Variants in OR4D1 observed in about 807,000 individuals in gnomAD.
The protein encoded by OR4D1 is olfactory receptor family 4 subfamily D member 1.
In OR4D1, 10 loss-of-function variants were observed where a neutral mutation model predicts 14.2. The ratio of observed to expected loss-of-function variants is 0.71; its 90% CI spans 0.44 to 1.20. The LOEUF (loss-of-function observed/expected upper bound fraction) is 1.20, where lower values mean the gene tolerates loss of function less well. Ranked by LOEUF, OR4D1 falls within the 50% of genes most tolerant of loss-of-function variation. The probability of loss-of-function intolerance (pLI) is 0.00; values close to 1 mark genes in which losing one functional copy is unlikely to be tolerated. For missense variants in OR4D1, 345 were observed against 376.6 expected (o/e 0.92, Z 0.70); for synonymous variants, 141 against 147.4 (o/e 0.96, Z 0.32).
chr17:58,151,835 C>A (rs1290294079), intron 2 of OR4D1, among the ~76,000 whole-genome samples: 2 of 152,034 alleles, frequency 1.3e-5, no homozygotes, highest in Non-Finnish European at 2.9e-5. Flanking sequence ...TGATGAATAT[C>A]CTTAAGCATA....
Position 58,155,107 on chromosome 17 carries a change from T to A in OR4D1, c.-19-28T>A, listed in dbSNP as rs113393553. On this transcript the variant is annotated intron_variant, in intron 3 of 3. Coordinates refer to ENST00000268912, the MANE Select transcript of OR4D1 (RefSeq NM_001386095.1). ...ATTGAATTTTCATTTTTTTTGTTTG[T>A]TTGTTTGTTTCAATGGTTTCTCTGT... 5.9e-3 allele frequency: 8,236 copies of A among 1,398,978 alleles called. 121 individuals are homozygous for A. The highest frequency in any genetic ancestry group is 0.057 in the African/African-American group (3,943 of 69,028). The allele number at this position is 1,398,978 out of a possible 1,614,324, so 86.7% of individuals were successfully genotyped here. A position where few individuals can be genotyped will look rare whatever the true frequency, so the allele number is the denominator to read the frequency against.
rs756205768 is a variant in OR4D1 at position 58,155,479 on chromosome 17, G to A, written c.326G>A (p.Gly109Asp). 3 of 1,614,172 alleles carry A rather than the reference G, an allele frequency of 1.9e-6. No homozygotes were observed. The highest frequency in any genetic ancestry group is 2.5e-6 in the Non-Finnish European group (3 of 1,180,036). Residue 109 changes from glycine (G) to aspartate (D), a missense_variant, in exon 4 of 4, where the codon GGT (glycine) becomes GAT (aspartate). Coordinates refer to ENST00000268912, the MANE Select transcript of OR4D1 (RefSeq NM_001386095.1). The part of the protein sequence containing the change: ...AQIFFFHLLG[G>D]GTVFFLSVMA... Reference sequence around the variant, plus strand: ...ATCTTCTTCTTCCACCTTTTGGGAGGTGGGACTGTCTTTTTTCTCTCAGTC... The same window carrying A: ...ATCTTCTTCTTCCACCTTTTGGGAGATGGGACTGTCTTTTTTCTCTCAGTC...
chr17:58,155,537 GC>G lies in OR4D1; in HGVS notation c.388del (p.Leu130SerfsTer7), dbSNP rs760472400. The G allele has an allele frequency of 6.2e-6, 10 of 1,613,948 alleles. No individual in the cohort carries two copies. The South Asian group carries it at 1.1e-4, about 18-fold the overall frequency. Reference protein sequence around the residue: ...AYDRYIAISQPLRYVTIMNTQ... With the variant: ...AYDRYIAISQXLRYVTIMNTQ... ...ATGACCGCTACATAGCCATCTCCCA[GC>G]CCCTCCGGTATGTCACCATCATGAA... On this transcript the variant is annotated frameshift_variant, in exon 4 of 4. Coordinates refer to ENST00000268912, the MANE Select transcript of OR4D1 (RefSeq NM_001386095.1). LOFTEE classifies it high-confidence loss of function.
chr17:58,155,213 C>A lies in OR4D1; in HGVS notation c.60C>A (p.Thr20=). 6.2e-7 allele frequency: 1 copy of A among 1,614,106 alleles called. No individual in the cohort carries two copies. The highest frequency in any genetic ancestry group is 8.5e-7 in the Non-Finnish European group (1 of 1,180,008). Residue 20 remains threonine, a synonymous_variant, in exon 4 of 4, where the codon ACC becomes ACA. Coordinates refer to ENST00000268912, the MANE Select transcript of OR4D1 (RefSeq NM_001386095.1). ...SMFVLLGFSQ[T]QELQKFLFLL... is the part of the protein sequence containing the mutation. ...TTGTCCTCTTAGGGTTTTCACAGAC[C>A]CAAGAGCTCCAGAAATTCCTGTTCC...
In OR4D1 at chr17:58,149,581, A is replaced by C. The variant is rs1597950847; in HGVS notation, c.-342A>C. 6.6e-6 allele frequency: 1 copy of C among 152,260 alleles called. No individual in the cohort carries two copies. The highest frequency in any genetic ancestry group is 1.9e-4 in the East Asian group (1 of 5,198). The allele number at this position is 152,260 out of a possible 1,614,324, so 9.4% of individuals were successfully genotyped here. On this transcript the variant is annotated 5_prime_UTR_variant, in exon 2 of 4. The change abolishes the stop of an existing upstream ORF in the 5' untranslated region. Coordinates refer to ENST00000268912, the MANE Select transcript of OR4D1 (RefSeq NM_001386095.1). ...TTGCACTGAAATTACAACACATGTG[A>C]GGAACAGAGCCATCCTCATGAAAAA...
chr17:58,157,590 C>T lies in OR4D1; in HGVS notation c.*1504C>T. ...TTGTTCCAGAACCGAAGGGCCAAGACGAAAAGACTGCAGGAGTCAGAACTG... is the reference window on the plus strand; with the variant it reads ...TTGTTCCAGAACCGAAGGGCCAAGATGAAAAGACTGCAGGAGTCAGAACTG... On this transcript the variant is annotated 3_prime_UTR_variant, in exon 4 of 4. Coordinates refer to ENST00000268912, the MANE Select transcript of OR4D1 (RefSeq NM_001386095.1). 1 of 1,610,632 alleles carries T rather than the reference C, an allele frequency of 6.2e-7. No individual in the cohort carries two copies. Among genetic ancestry groups the T allele is most frequent in the Non-Finnish European group, 8.5e-7 (1 of 1,176,966 alleles).
chr17:58,157,663 T>C lies in OR4D1; in HGVS notation c.*1577T>C. ...AACCTATGCTACCCTCCAGCTTCAG[T>C]CTCCCTTTCCCCATCAGCTCGCCCC... On this transcript the variant is annotated 3_prime_UTR_variant, in exon 4 of 4. Transcript: ENST00000268912. 6.2e-7 allele frequency: 1 copy of C among 1,613,822 alleles called. No homozygotes were observed. Among genetic ancestry groups the C allele is most frequent in the East Asian group, 2.2e-5 (1 of 44,882 alleles).
rs1303751134 is a variant in OR4D1, at chr17:58,158,421, A to G, written c.*2335A>G. 8.0e-5 allele frequency: 12 copies of G among 150,662 alleles called. No homozygotes were observed. In the Admixed American group the frequency reaches 8.0e-4, roughly 10 times the overall value. 9.3% of individuals were successfully genotyped at this position (150,662 alleles called of 1,614,324 possible). A position where few individuals can be genotyped will look rare whatever the true frequency, so the allele number is the denominator to read the frequency against. On this transcript the variant is annotated 3_prime_UTR_variant, in exon 4 of 4. Coordinates refer to ENST00000268912, the MANE Select transcript of OR4D1 (RefSeq NM_001386095.1). ...AAAAGAAACCTTTTTATATACTACC[A>G]TATTTGTTCCTATCTCTCCCCACGC...
chr17:58,157,534 T>C lies in OR4D1; in HGVS notation c.*1448T>C. 1 of 1,438,758 alleles carries C rather than the reference T, an allele frequency of 7.0e-7. No homozygotes were observed. 89.1% of individuals were successfully genotyped at this position (1,438,758 alleles called of 1,614,324 possible). A position where few individuals can be genotyped will look rare whatever the true frequency, so the allele number is the denominator to read the frequency against. ...CAGAGGGTGCGGACTTCTCCAGCTC[T>C]CCGAACCTCACGGAGACTCAGGTCA... On this transcript the variant is annotated 3_prime_UTR_variant, in exon 4 of 4. Transcript: ENST00000268912.
Position 58,157,079 on chromosome 17 carries a change from G to T in OR4D1, c.*993G>T, listed in dbSNP as rs1159598239. 14 of 1,446,890 alleles carry T rather than the reference G, an allele frequency of 9.7e-6. No individual in the cohort carries two copies. In the East Asian group the frequency reaches 3.0e-4, roughly 31 times the overall value. The allele number at this position is 1,446,890 out of a possible 1,614,324, so 89.6% of individuals were successfully genotyped here. On this transcript the variant is annotated 3_prime_UTR_variant, in exon 4 of 4. Transcript: ENST00000268912. ...CGGTGGCGGTCGGGCCAGGTCCGGG[G>T]CCTGGGGACGCCGAGGCGGCCGCGG...
At chr17:58,152,952 G>A (rs4793934) in intron 2 of OR4D1, among the ~76,000 whole-genome samples, 81,178 of 151,994 alleles carry the variant, frequency 0.53, 22,999 homozygotes, top group East Asian at 0.84. Context: ...GAAAAAGTAT[G>A]GTGGTTGTAA....
chr17:58,157,728 A>C lies in OR4D1; in HGVS notation c.*1642A>C. 1 of 1,613,770 alleles carries C rather than the reference A, an allele frequency of 6.2e-7. No individual in the cohort carries two copies. The highest frequency in any genetic ancestry group is 1.7e-5 in the Admixed American group (1 of 60,026). ...ATATACGCAGCATCCTACCCGTTCCATAGACCTGTGCTTCCCATCCCGCCC... is the reference window on the plus strand; with the variant it reads ...ATATACGCAGCATCCTACCCGTTCCCTAGACCTGTGCTTCCCATCCCGCCC... On this transcript the variant is annotated 3_prime_UTR_variant, in exon 4 of 4. Transcript: ENST00000268912.
intron 2 of OR4D1, among the ~76,000 whole-genome samples, chr17:58,152,434 T>C (rs1967714046): frequency 6.6e-6 from 1 of 152,232 alleles, no homozygotes; most frequent in Admixed American, 6.5e-5. Context: ...TCATCTTATG[T>C]TTTATCATGG....
chr17:58,155,046 C>T, intron 3 of OR4D1, 89 bp from the exon 4 acceptor site: 2 of 888,224 alleles, frequency 2.3e-6, no homozygotes, highest in South Asian at 3.4e-5. Flanking sequence ...AACAACTCAA[C>T]TTAATCAACT....
rs1196377996 is a variant in OR4D1, at chr17:58,157,763, T to C, written c.*1677T>C. ...GCTTCCCATCCCGCCCGTGGGACTCTATGCCACGCCAGTGGGATATGGCAT... is the reference window on the plus strand; with the variant it reads ...GCTTCCCATCCCGCCCGTGGGACTCCATGCCACGCCAGTGGGATATGGCAT... On this transcript the variant is annotated 3_prime_UTR_variant, in exon 4 of 4. Transcript: ENST00000268912. 3 of 1,612,030 alleles carry C rather than the reference T, an allele frequency of 1.9e-6. No homozygotes were observed. In the East Asian group the frequency reaches 6.7e-5, roughly 36 times the overall value.
At chr17:58,154,386 C>A (rs772731747) in intron 3 of OR4D1, among the ~76,000 whole-genome samples, 6 of 150,844 alleles carry the variant, frequency 4.0e-5, no homozygotes, top group Admixed American at 3.3e-4. Flanking sequence ...ATAGAAAATT[C>A]GCATAAATTT....
Position 58,155,759 on chromosome 17 carries a change from C to T in OR4D1, c.606C>T (p.Asn202=). 1 of 1,614,118 alleles carries T rather than the reference C, an allele frequency of 6.2e-7. No individual in the cohort carries two copies. Among genetic ancestry groups the T allele is most frequent in the East Asian group, 2.2e-5 (1 of 44,884 alleles). ...TCCTGGAGTTCCTCATGATCTCCAA[C>T]AGTGGGCTGCTAGTTATCATCTGGT... ...TSLLEFLMIS[N]SGLLVIIWFL... is the part of the protein sequence containing the mutation. The change falls in exon 4 of 4, where the codon AAC becomes AAT. Residue 202 remains asparagine, a synonymous_variant. Coordinates refer to ENST00000268912, the MANE Select transcript of OR4D1 (RefSeq NM_001386095.1).
chr17:58,156,791 A>G lies in OR4D1; in HGVS notation c.*705A>G, dbSNP rs1317447193. 1.9e-5 allele frequency: 4 copies of G among 211,832 alleles called. No homozygotes were observed. 13.1% of individuals were successfully genotyped at this position (211,832 alleles called of 1,614,324 possible). The stretch of plus-strand genomic sequence containing the variant: ...TTCCTGCGACCACAAGAGAAAACCT[A>G]GAGAGGTCTTCGTCTATAGAGAAGT... On this transcript the variant is annotated 3_prime_UTR_variant, in exon 4 of 4. Transcript: ENST00000268912.
Position 58,157,177 on chromosome 17 carries a change from A to G in OR4D1, c.*1091A>G. 6.8e-7 allele frequency: 1 copy of G among 1,463,240 alleles called. No individual in the cohort carries two copies. Among genetic ancestry groups the G allele is most frequent in the Admixed American group, 2.4e-5 (1 of 40,982 alleles). 90.6% of individuals were successfully genotyped at this position (1,463,240 alleles called of 1,614,324 possible). A position where few individuals can be genotyped will look rare whatever the true frequency, so the allele number is the denominator to read the frequency against. Reference sequence around the variant, plus strand: ...CTCGTGTCGGACAAGAAGCCGCCCAAGGAGGCATCCCCAGTGCCGGCCAAA... The same window carrying G: ...CTCGTGTCGGACAAGAAGCCGCCCAGGGAGGCATCCCCAGTGCCGGCCAAA... On this transcript the variant is annotated 3_prime_UTR_variant, in exon 4 of 4. Coordinates refer to ENST00000268912, the MANE Select transcript of OR4D1 (RefSeq NM_001386095.1).
Sources: allele counts gnomAD v4.1 joint callset (sites outside exome capture counted in the v4.1 genomes callset), GRCh38; gene constraint gnomAD v4.1.1; transcripts MANE v1.5; gene names NCBI Gene and HGNC (gene_info 2026-07-23, HGNC 2026-07-21).